The following MAP3K2 variants were observed in gnomAD, a reference collection of about 807,000 sequenced individuals.
MAP3K2 encodes the protein MAP/ERK kinase kinase 2.
A neutral mutation model predicts 80.3 loss-of-function variants in MAP3K2; 24 were observed. The ratio of observed to expected loss-of-function variants is 0.30; its 90% CI spans 0.22 to 0.42. The LOEUF (loss-of-function observed/expected upper bound fraction) is 0.42, where lower values mean the gene tolerates loss of function less well. Ranked by LOEUF, MAP3K2 falls within the 10% of genes least tolerant of loss-of-function variation. The pLI is 1.00. For synonymous variants in MAP3K2, 244 were observed against 253.7 expected (o/e 0.96, Z 0.36); for missense variants, 608 against 750.1 (o/e 0.81, Z 2.21).
chr2:127,320,082 T>A (rs991177563), intron 12 of MAP3K2, among the ~76,000 whole-genome samples: 5 of 152,004 alleles, frequency 3.3e-5, no homozygotes, highest in African/African-American at 1.2e-4. Context: ...TCCTCCCTTA[T>A]CCTATACATG....
chr2:127,355,210 G>C (rs917051624), intron 1 of MAP3K2, among the ~76,000 whole-genome samples: 1 of 151,914 alleles, frequency 6.6e-6, no homozygotes, highest in Non-Finnish European at 1.5e-5. Flanking sequence ...ATGAACCCAA[G>C]GCACAAAAAA....
In MAP3K2 at chr2:127,368,713, A is replaced by C. The variant is rs1055509695; in HGVS notation, c.-66+18739T>G. Reference sequence around the variant, plus strand: ...CCCATATACTTTAAATCATCTCTAGATTATTTTTAATACCTAATATAACTG... The same window carrying C: ...CCCATATACTTTAAATCATCTCTAGCTTATTTTTAATACCTAATATAACTG... On this transcript the variant is annotated intron_variant, in intron 1 of 16. Transcript: ENST00000682094. Among the ~76,000 whole-genome samples, 8 of 152,272 alleles carry C rather than the reference A, an allele frequency of 5.3e-5. No individual in the cohort carries two copies. In the East Asian group the frequency reaches 1.5e-3, roughly 29 times the overall value.
intron 1 of MAP3K2, among the ~76,000 whole-genome samples, chr2:127,368,902 C>T (rs1687016143): frequency 6.6e-6 from 1 of 151,918 alleles, no homozygotes; most frequent in South Asian, 2.1e-4. Flanking sequence ...TTTGCCACTG[C>T]ACCCAGCTTG....
Position 127,305,617 on chromosome 2 carries a change from T to C in MAP3K2, c.*1962A>G, listed in dbSNP as rs1392411461. ...AGAAAATAAGAATACCTGAGTCCCT[T>C]ATGAATCCCATGAAAGGGATTCTGG... is the stretch of plus-strand genomic sequence containing the variant. On this transcript the variant is annotated 3_prime_UTR_variant, in exon 17 of 17. Coordinates refer to ENST00000682094, the MANE Select transcript of MAP3K2 (RefSeq NM_001371910.2). 1 of 152,124 alleles carries C rather than the reference T, an allele frequency of 6.6e-6. No homozygotes were observed. The highest frequency in any genetic ancestry group is 6.5e-5 in the Admixed American group (1 of 15,270). 9.4% of individuals were successfully genotyped at this position (152,124 alleles called of 1,614,324 possible).
intron 1 of MAP3K2, among the ~76,000 whole-genome samples, chr2:127,385,093 T>G (rs1461938404): frequency 7.0e-6 from 1 of 142,032 alleles, no homozygotes; most frequent in African/African-American, 2.6e-5. Flanking sequence ...GATGAAGGGT[T>G]TGAAAGGACT....
intron 3 of MAP3K2, 95 bp from the exon 4 acceptor site, chr2:127,337,873 A>G: frequency 1.3e-6 from 1 of 770,656 alleles, no homozygotes. Context: ...TTTGTTTTTT[A>G]GCCATTCATT....
At chr2:127,315,937 A>G (rs1413061364) in intron 14 of MAP3K2, among the ~76,000 whole-genome samples, 2 of 151,906 alleles carry the variant, frequency 1.3e-5, no homozygotes, top group Admixed American at 6.6e-5. Flanking sequence ...TTAGCTGGGC[A>G]TGGTGGCAGG....
At chr2:127,325,498 G>A (rs1191728867) in intron 9 of MAP3K2, among the ~76,000 whole-genome samples, 2 of 152,158 alleles carry the variant, frequency 1.3e-5, no homozygotes, top group Non-Finnish European at 2.9e-5. Flanking sequence ...GGGTAACAAA[G>A]TGAGACCCCC....
intron 1 of MAP3K2, among the ~76,000 whole-genome samples, chr2:127,373,427 AAATG>A (rs1687099001): frequency 1.3e-5 from 2 of 152,192 alleles, no homozygotes; most frequent in Non-Finnish European, 1.5e-5. Context: ...TACACACCTT[AAATG>A]ATTATCAGAA....
chr2:127,354,408 G>A (rs1240020831), intron 1 of MAP3K2, among the ~76,000 whole-genome samples: 1 of 151,960 alleles, frequency 6.6e-6, no homozygotes, highest in Admixed American at 6.5e-5. Context: ...GTGAGATACT[G>A]AGATGAGGCT....
intron 1 of MAP3K2, chr2:127,378,132 C>G (rs1269307781): frequency 8.2e-6 from 8 of 978,398 alleles, no homozygotes; most frequent in African/African-American, 3.5e-5. Context: ...GAGAAGATGA[C>G]AGACATGGAA....
At chr2:127,349,307 C>T (rs369835077) in intron 1 of MAP3K2, among the ~76,000 whole-genome samples, 19 of 151,964 alleles carry the variant, frequency 1.3e-4, no homozygotes, top group Non-Finnish European at 1.6e-4. Context: ...ACTACAGGTA[C>T]GCATCATGCC....
Position 127,324,255 on chromosome 2 carries a change from A to T in MAP3K2, c.678-14T>A. ...GGATAGCTCTCTCTATAAAGAAAAA[A>T]CATCACATTAAGTTTACAGAAAGAA... On this transcript the variant is annotated splice_polypyrimidine_tract_variant and intron_variant, in intron 9 of 16. Transcript: ENST00000682094. 6.8e-7 allele frequency: 1 copy of T among 1,475,860 alleles called. No homozygotes were observed. The highest frequency in any genetic ancestry group is 9.2e-7 in the Non-Finnish European group (1 of 1,089,370). The allele number at this position is 1,475,860 out of a possible 1,614,324, so 91.4% of individuals were successfully genotyped here. A position where few individuals can be genotyped will look rare whatever the true frequency, so the allele number is the denominator to read the frequency against.
intron 1 of MAP3K2, among the ~76,000 whole-genome samples, chr2:127,356,859 AAAAC>A (rs1194943558): frequency 8.5e-5 from 13 of 152,228 alleles, no homozygotes; most frequent in African/African-American, 2.9e-4. Context: ...ACAGGCAACA[AAAAC>A]AAAAATAGAC....
intron 1 of MAP3K2, among the ~76,000 whole-genome samples, chr2:127,343,796 T>C (rs372006743): frequency 7.2e-5 from 11 of 152,266 alleles, no homozygotes; most frequent in African/African-American, 2.6e-4. Context: ...GGCAGGCGGA[T>C]TGCTTGAGCC....
chr2:127,308,292 GACAA>G (rs1289807955), intron 16 of MAP3K2, among the ~76,000 whole-genome samples: 6 of 152,246 alleles, frequency 3.9e-5, no homozygotes, highest in East Asian at 1.9e-4. Context: ...AAGGTCTTTA[GACAA>G]ACAAAGTAAC....
intron 1 of MAP3K2, among the ~76,000 whole-genome samples, chr2:127,368,933 T>C (rs1687016629): frequency 1.3e-5 from 2 of 151,834 alleles, no homozygotes; most frequent in Non-Finnish European, 1.5e-5. Context: ...ACTAGTATTA[T>C]TATTCTCAAA....
intron 1 of MAP3K2, among the ~76,000 whole-genome samples, chr2:127,350,202 C>A (rs1432760050): frequency 6.6e-6 from 1 of 151,940 alleles, no homozygotes; most frequent in Non-Finnish European, 1.5e-5. Flanking sequence ...CTTATGGGGA[C>A]ATGTCAGAAG....
intron 1 of MAP3K2, among the ~76,000 whole-genome samples, chr2:127,351,872 T>C (rs1241911019): frequency 6.6e-6 from 1 of 151,942 alleles, no homozygotes; most frequent in Admixed American, 6.6e-5. Flanking sequence ...TTCTTGTTTT[T>C]TTGTGTTTTT....
Sources: gnomAD v4.1 joint callset for allele counts (sites outside exome capture counted in the v4.1 genomes callset) on GRCh38, gnomAD v4.1.1 for gene constraint, MANE v1.5 for transcripts, NCBI Gene and HGNC (gene_info 2026-07-23, HGNC 2026-07-21) for gene names.